PLEKHA1: variants seen among roughly 807,000 people sequenced by gnomAD.
The protein encoded by PLEKHA1 is pleckstrin homology domain-containing family A member 1.
A neutral mutation model predicts 52.0 loss-of-function variants in PLEKHA1; 34 were observed. That is an observed-to-expected ratio of 0.65 (90% CI 0.50 to 0.87). The LOEUF (loss-of-function observed/expected upper bound fraction) is 0.87. PLEKHA1 is among the 40% of genes least tolerant of loss of function. The probability of loss-of-function intolerance (pLI) is 0.00; values close to 1 mark genes in which losing one functional copy is unlikely to be tolerated. For synonymous variants in PLEKHA1, 163 were observed against 170.7 expected, an observed-to-expected ratio of 0.95 and a Z score of 0.35; for missense variants, 497 against 504.2, an observed-to-expected ratio of 0.99 and a Z score of 0.14.
intron 4 of PLEKHA1, among the ~76,000 whole-genome samples, chr10:122,403,936 C>T (rs905480409): frequency 6.6e-6 from 1 of 152,218 alleles, no homozygotes; most frequent in Non-Finnish European, 1.5e-5. Flanking sequence ...AAGTGACTGG[C>T]CTGCCTTGGC....
At chr10:122,398,527 T>G (rs2096882129) in intron 3 of PLEKHA1, among the ~76,000 whole-genome samples, 1 of 152,074 alleles carries the variant, frequency 6.6e-6, no homozygotes, top group Non-Finnish European at 1.5e-5. Context: ...CAGGTACATT[T>G]TTTTCTTATT....
chr10:122,424,834 CAAAT>C (rs2097314408), intron 9 of PLEKHA1, 58 bp from the exon 10 acceptor site: 15 of 1,419,370 alleles, frequency 1.1e-5, no homozygotes, highest in African/African-American at 1.4e-5. Flanking sequence ...ACTGGGTAAA[CAAAT>C]GAAAGAGAAA....
At chr10:122,406,028 A>G (rs906385635) in intron 4 of PLEKHA1, among the ~76,000 whole-genome samples, 2 of 152,186 alleles carry the variant, frequency 1.3e-5, no homozygotes, top group African/African-American at 2.4e-5. Flanking sequence ...CCCCAGTGCC[A>G]CAGAGCCTTT....
chr10:122,383,327 T>TTC (rs2096642561), intron 1 of PLEKHA1, among the ~76,000 whole-genome samples: 2 of 96,524 alleles, frequency 2.1e-5, no homozygotes, highest in African/African-American at 6.4e-5. Flanking sequence ...TTTTTTTTTC[T>TTC]TTTTTTTTTT....
intron 1 of PLEKHA1, among the ~76,000 whole-genome samples, chr10:122,380,557 C>T (rs532724957): frequency 1.6e-4 from 25 of 152,208 alleles, no homozygotes; most frequent in Admixed American, 7.2e-4. Flanking sequence ...GTGAGTCCAG[C>T]GGCCAAATGA....
chr10:122,439,307 G>C, the PLEKHA1 span: 1 of 151,390 alleles, frequency 6.6e-6, no homozygotes, highest in South Asian at 2.1e-4. Flanking sequence ...AAATGATACT[G>C]GTCTGCATTT....
chr10:122,404,271 G>A lies in PLEKHA1; in HGVS notation c.245-2305G>A, dbSNP rs905324807. On this transcript the variant is annotated intron_variant, in intron 4 of 11. Transcript: ENST00000368990. ...TTCTAGATCATACCTATATATCTAC[G>A]TCTTGCCATGAAGTAATTCTTAAAG... 5.9e-5 allele frequency among the ~76,000 whole-genome samples: 9 copies of A among 151,814 alleles called. No homozygotes were observed. The South Asian group carries it at 1.5e-3, about 25-fold the overall frequency.
chr10:122,387,554 G>T (rs372940114), intron 1 of PLEKHA1: 2 of 152,084 alleles, frequency 1.3e-5, no homozygotes, highest in East Asian at 3.8e-4. Flanking sequence ...ATACCTGAGG[G>T]CTTTTCTGTA....
At chr10:122,394,371 C>T (rs73366098) in intron 2 of PLEKHA1, among the ~76,000 whole-genome samples, 2,128 of 152,116 alleles carry the variant, frequency 0.014, 41 homozygotes, top group African/African-American at 0.049. Context: ...CCACCGCGCC[C>T]GGCCTTTTGG....
At chr10:122,436,408 G>A (rs2097437713), downstream of PLEKHA1, 1 of 152,196 alleles carries the variant, frequency 6.6e-6, no homozygotes. Flanking sequence ...AAGGTTACCA[G>A]AATAAATAGT....
chr10:122,423,991 C>G (rs1179075233), intron 8 of PLEKHA1: 1 of 603,118 alleles, frequency 1.7e-6, no homozygotes, highest in Non-Finnish European at 2.6e-6. Flanking sequence ...TGCAGTTTTT[C>G]TTGTTTCAAA....
chr10:122,386,194 T>TA (rs1421907781), intron 1 of PLEKHA1, among the ~76,000 whole-genome samples: 1 of 152,216 alleles, frequency 6.6e-6, no homozygotes, highest in East Asian at 1.9e-4. Flanking sequence ...GTAGGTATGT[T>TA]ATAGTATCTT....
intron 1 of PLEKHA1, among the ~76,000 whole-genome samples, chr10:122,377,787 C>T (rs1475079250): frequency 2.6e-5 from 4 of 152,116 alleles, no homozygotes; most frequent in Non-Finnish European, 5.9e-5. Flanking sequence ...CTAGAAGATG[C>T]TTAAGCAAAC....
intron 7 of PLEKHA1, among the ~76,000 whole-genome samples, chr10:122,417,317 G>T (rs2097191128): frequency 6.6e-6 from 1 of 151,490 alleles, no homozygotes; most frequent in African/African-American, 2.4e-5. Context: ...AGGAGGAAGG[G>T]GAAGTGCTTT....
At chr10:122,407,751 CGTTTTT>C (rs961158262) in intron 5 of PLEKHA1, among the ~76,000 whole-genome samples, 2 of 151,752 alleles carry the variant, frequency 1.3e-5, no homozygotes, top group African/African-American at 4.8e-5. Flanking sequence ...GTGTCAATTG[CGTTTTT>C]GTTTTTGTTT....
chr10:122,405,383 T>C (rs1039145990), intron 4 of PLEKHA1, among the ~76,000 whole-genome samples: 1 of 151,736 alleles, frequency 6.6e-6, no homozygotes, highest in African/African-American at 2.4e-5. Context: ...GCAGAAAAGA[T>C]TAATAAAGAA....
chr10:122,433,343 A>G (rs1337156134), downstream of PLEKHA1: 7 of 152,204 alleles, frequency 4.6e-5, no homozygotes, highest in African/African-American at 1.4e-4. Flanking sequence ...AAGGAGGAGG[A>G]TTTGCCTGGC....
chr10:122,440,862 T>C, the PLEKHA1 span: 1 of 152,208 alleles, frequency 6.6e-6, no homozygotes, highest in African/African-American at 2.4e-5. Context: ...GTATAAGCAC[T>C]GCACCAGTGC....
At chr10:122,389,509 G>A (rs376721677) in intron 1 of PLEKHA1, among the ~76,000 whole-genome samples, 13 of 152,308 alleles carry the variant, frequency 8.5e-5, no homozygotes, top group East Asian at 1.9e-4. Flanking sequence ...AGAGCAGCCC[G>A]GCCAATGTGG....
Sources: allele counts gnomAD v4.1 joint callset (sites outside exome capture counted in the v4.1 genomes callset), GRCh38; gene constraint gnomAD v4.1.1; transcripts MANE v1.5; gene names NCBI Gene and HGNC (gene_info 2026-07-23, HGNC 2026-07-21).